Variants in SLC35G1 observed in about 807,000 individuals in gnomAD.
SLC35G1 encodes the protein partner of STIM1.
A neutral mutation model predicts 17.1 loss-of-function variants in SLC35G1; 10 were observed. The observed-to-expected ratio is 0.59, with a 90% CI of 0.36 to 0.99. The LOEUF (loss-of-function observed/expected upper bound fraction) is 0.99. Ranked by LOEUF, SLC35G1 falls within the 50% of genes least tolerant of loss-of-function variation. The pLI is 0.01. For missense variants in SLC35G1, 433 were observed against 468.4 expected (o/e 0.92, Z 0.70); for synonymous variants, 185 against 181.1 (o/e 1.02, Z -0.18).
intron 2 of SLC35G1, among the ~76,000 whole-genome samples, chr10:93,900,219 A>C (rs2060370089): frequency 6.6e-6 from 1 of 152,242 alleles, no homozygotes; most frequent in African/African-American, 2.4e-5. Context: ...AATAAATTTT[A>C]GCAGTTTCAA....
chr10:93,894,279 G>A (rs1042912289), intron 1 of SLC35G1, 68 bp downstream of exon 1: 21 of 1,291,016 alleles, frequency 1.6e-5, no homozygotes, highest in Non-Finnish European at 1.8e-5. Context: ...GGCGGGTTGG[G>A]GTCCCCGCAA....
chr10:93,901,709 TTG>T lies in SLC35G1; in HGVS notation c.*221_*222del, dbSNP rs1048077572. On this transcript the variant is annotated 3_prime_UTR_variant, in exon 3 of 3. Transcript: ENST00000427197. Reference sequence around the variant, plus strand: ...GCTTTGGTTTTGGTTTTGGTTTTTTTTGTTGTTGTTGTTGGGGTCAAGTTGGT... The same window carrying T: ...GCTTTGGTTTTGGTTTTGGTTTTTTTTTGTTGTTGTTGGGGTCAAGTTGGT... The T allele has an allele frequency of 1.5e-3, 200 of 130,580 alleles. 1 individual carries two copies. In the East Asian group the frequency reaches 0.18, roughly 120 times the overall value. 8.1% of individuals were successfully genotyped at this position (130,580 alleles called of 1,614,324 possible).
In SLC35G1 at chr10:93,894,220, G is replaced by A. The variant is rs964330161; in HGVS notation, c.178+9G>A. The A allele has an allele frequency of 5.1e-6, 7 of 1,373,702 alleles. No homozygotes were observed. The South Asian group carries it at 1.0e-4, about 20-fold the overall frequency. The allele number at this position is 1,373,702 out of a possible 1,614,324, so 85.1% of individuals were successfully genotyped here. On this transcript the variant is annotated intron_variant, in intron 1 of 2. Transcript: ENST00000427197. ...CTCCCGCACCGAGCCGGGTGAGTGC[G>A]CGGTGTGGATCGGGCTCTGGTCTCG...
intron 2 of SLC35G1, among the ~76,000 whole-genome samples, chr10:93,899,408 T>A (rs1288305663): frequency 6.6e-6 from 1 of 152,096 alleles, no homozygotes; most frequent in African/African-American, 2.4e-5. Flanking sequence ...CCAATTCCTC[T>A]TTTCCTTCCC....
At chr10:93,900,718 C>G (rs745386880) in intron 2 of SLC35G1, 34 bp from the exon 3 acceptor site, 2 of 1,458,466 alleles carry the variant, frequency 1.4e-6, no homozygotes, top group East Asian at 4.8e-5. Context: ...ATATTAATTT[C>G]ATTTAATATG....
rs2134072341 is a variant in SLC35G1, at chr10:93,903,608, A to T, written c.*2118A>T. On this transcript the variant is annotated 3_prime_UTR_variant, in exon 3 of 3. Transcript: ENST00000427197. ...TTGAACAATGTAGTTTAAGTACTTG[A>T]ATGTCACACTATATAACTGAGGTTA... 2 of 152,308 alleles carry T rather than the reference A, an allele frequency of 1.3e-5. No homozygotes were observed. Among genetic ancestry groups the T allele is most frequent in the East Asian group, 3.9e-4 (2 of 5,190 alleles). 9.4% of individuals were successfully genotyped at this position (152,308 alleles called of 1,614,324 possible).
chr10:93,900,678 G>A, intron 2 of SLC35G1, 74 bp from the exon 3 acceptor site: 1 of 1,245,518 alleles, frequency 8.0e-7, no homozygotes, highest in Non-Finnish European at 1.1e-6. Flanking sequence ...TTAAAATAAT[G>A]TTTAATTACA....
At chr10:93,895,302 T>G (rs1289148421) in intron 1 of SLC35G1, among the ~76,000 whole-genome samples, 1 of 152,210 alleles carries the variant, frequency 6.6e-6, no homozygotes, top group Non-Finnish European at 1.5e-5. Flanking sequence ...ACCGAAATGA[T>G]CAGACTTGTG....
At chr10:93,907,397 A>G (rs938513273), downstream of SLC35G1, 1 of 152,242 alleles carries the variant, frequency 6.6e-6, no homozygotes, top group Non-Finnish European at 1.5e-5. Context: ...GTGCAAAATG[A>G]TATGTACAAG....
Position 93,898,545 on chromosome 10 carries a change from A to T in SLC35G1, c.179-26A>T. 1.3e-6 allele frequency: 2 copies of T among 1,588,614 alleles called. 1 individual carries two copies. The highest frequency in any genetic ancestry group is 2.3e-5 in the South Asian group (2 of 86,812). Reference sequence around the variant, plus strand: ...ATAACACATACACTTGGAAGCAAGGACTAACCAGAATTTAATCTTTTTCAG... The same window carrying T: ...ATAACACATACACTTGGAAGCAAGGTCTAACCAGAATTTAATCTTTTTCAG... On this transcript the variant is annotated intron_variant, in intron 1 of 2. Coordinates refer to ENST00000427197, the MANE Select transcript of SLC35G1 (RefSeq NM_001134658.3).
exon 3 of SLC35G1, chr10:93,909,482 T>C (rs1159086636): frequency 6.6e-6 from 1 of 152,110 alleles, no homozygotes; most frequent in African/African-American, 2.4e-5. Flanking sequence ...TTTTTTTAAA[T>C]TACCAATTCA....
chr10:93,907,548 G>A (rs2060436547), downstream of SLC35G1: 2 of 152,260 alleles, frequency 1.3e-5, no homozygotes, highest in South Asian at 4.1e-4. Flanking sequence ...GAAGAGCAAG[G>A]AAGCTTTCCA....
downstream of SLC35G1, among the ~76,000 whole-genome samples, chr10:93,904,120 G>A (rs1461563757): frequency 5.9e-5 from 9 of 152,266 alleles, no homozygotes; most frequent in South Asian, 2.1e-4. Flanking sequence ...TAGCTAATCC[G>A]TTACTAAATC....
downstream of SLC35G1, chr10:93,907,467 A>G (rs775566053): frequency 1.3e-5 from 2 of 152,220 alleles, no homozygotes; most frequent in Admixed American, 6.5e-5. Context: ...ATGTCCCTCA[A>G]TAGAGTACTG....
chr10:93,895,836 T>C (rs1239438347), intron 1 of SLC35G1, among the ~76,000 whole-genome samples: 1 of 152,148 alleles, frequency 6.6e-6, no homozygotes, highest in African/African-American at 2.4e-5. Flanking sequence ...AGTGTGGGTC[T>C]TACACTGAAG....
chr10:93,901,516 T>G lies in SLC35G1; in HGVS notation c.*26T>G. 10 of 1,554,112 alleles carry G rather than the reference T, an allele frequency of 6.4e-6. No individual in the cohort carries two copies. The highest frequency in any genetic ancestry group is 8.7e-6 in the Non-Finnish European group (10 of 1,152,948). ...AGCATCATTGCTGAAATACATATTT[T>G]TTTCAAGTACACCATCACCTAATTC... On this transcript the variant is annotated 3_prime_UTR_variant, in exon 3 of 3. Coordinates refer to ENST00000427197, the MANE Select transcript of SLC35G1 (RefSeq NM_001134658.3).
Position 93,903,706 on chromosome 10 carries a change from G to C in SLC35G1, c.*2216G>C, listed in dbSNP as rs1326146726. The C allele has an allele frequency of 6.6e-5, 10 of 152,184 alleles. No homozygotes were observed. The highest frequency in any genetic ancestry group is 2.9e-5 in the Non-Finnish European group (2 of 68,028). 9.4% of individuals were successfully genotyped at this position (152,184 alleles called of 1,614,324 possible). ...ATGTCCAAGGTGTATACAAGGATATGTATTGTAACAACTATGGGTATGTAT... is the reference window on the plus strand; with the variant it reads ...ATGTCCAAGGTGTATACAAGGATATCTATTGTAACAACTATGGGTATGTAT... On this transcript the variant is annotated 3_prime_UTR_variant, in exon 3 of 3. Transcript: ENST00000427197.
At chr10:93,894,232 G>T (rs957182303) in intron 1 of SLC35G1, 21 bp downstream of exon 1, 19 of 1,343,850 alleles carry the variant, frequency 1.4e-5, no homozygotes, top group Non-Finnish European at 1.7e-5. Context: ...GGTGTGGATC[G>T]GGCTCTGGTC....
chr10:93,895,272 C>A (rs897000678), intron 1 of SLC35G1, among the ~76,000 whole-genome samples: 4 of 152,176 alleles, frequency 2.6e-5, no homozygotes, highest in African/African-American at 9.7e-5. Flanking sequence ...ATTCTTGCTC[C>A]ATTTCTGTCC....
Sources: allele counts gnomAD v4.1 joint callset (sites outside exome capture counted in the v4.1 genomes callset), GRCh38; gene constraint gnomAD v4.1.1; transcripts MANE v1.5; gene names NCBI Gene and HGNC (gene_info 2026-07-23, HGNC 2026-07-21).